Variants in KCNIP4 observed in about 807,000 individuals in gnomAD.
KCNIP4 encodes the protein Kv channel-interacting protein 4.
A neutral mutation model predicts 34.0 loss-of-function variants in KCNIP4; 12 were observed. The ratio of observed to expected loss-of-function variants is 0.35; its 90% CI spans 0.23 to 0.57. The LOEUF is 0.57. Ranked by LOEUF, KCNIP4 falls within the 20% of genes least tolerant of loss-of-function variation. The probability of loss-of-function intolerance (pLI) is 0.83; values close to 1 mark genes in which losing one functional copy is unlikely to be tolerated. For synonymous variants in KCNIP4, 124 were observed against 102.2 expected (o/e 1.21, Z -1.29); for missense variants, 238 against 311.7 (o/e 0.76, Z 1.78).
In KCNIP4 at chr4:21,291,928, AAAGAAAGAAAAAAAAAG is replaced by A. The variant is rs1560260189; in HGVS notation, c.62-409236_62-409220del. Among the ~76,000 whole-genome samples the A allele has an allele frequency of 9.9e-5, 9 of 90,674 alleles. 1 individual carries two copies. The highest frequency in any genetic ancestry group is 6.7e-4 in the African/African-American group (9 of 13,400). The allele number at this position is 90,674 out of a possible 152,430, so 59.5% of individuals were successfully genotyped here. On this transcript the variant is annotated intron_variant, in intron 1 of 8. Coordinates refer to ENST00000382152, the MANE Select transcript of KCNIP4 (RefSeq NM_025221.6). ...GAAAGAAAGAAAGAAAGAAAGAAAG[AAAGAAAGAAAAAAAAAG>A]AAAAAAGTCTGATGAATAAATCTTC...
chr4:21,829,667 A>G (rs1235426808), intron 1 of KCNIP4, among the ~76,000 whole-genome samples: 1 of 152,052 alleles, frequency 6.6e-6, no homozygotes, highest in African/African-American at 2.4e-5. Flanking sequence ...CAGTTCCACA[A>G]AGCAAAAACC....
chr4:21,295,741 C>T (rs1035048011), intron 1 of KCNIP4, among the ~76,000 whole-genome samples: 2 of 152,076 alleles, frequency 1.3e-5, no homozygotes, highest in Non-Finnish European at 2.9e-5. Flanking sequence ...TTTCTGTCCC[C>T]ATGCTATATT....
At chr4:21,849,039 T>C (rs1724206362) in intron 1 of KCNIP4, 1 of 151,996 alleles carries the variant, frequency 6.6e-6, no homozygotes, top group Admixed American at 6.6e-5. Flanking sequence ...CTTAGTTGTA[T>C]TTTTACCATT....
intron 1 of KCNIP4, among the ~76,000 whole-genome samples, chr4:21,370,836 T>C (rs369535753): frequency 1.3e-4 from 4 of 31,692 alleles, no homozygotes; most frequent in African/African-American, 1.9e-4. Flanking sequence ...TATATATATA[T>C]ATATATATAT....
intron 1 of KCNIP4, among the ~76,000 whole-genome samples, chr4:21,477,952 G>C (rs1240389613): frequency 2.0e-5 from 3 of 152,050 alleles, no homozygotes; most frequent in Non-Finnish European, 2.9e-5. Context: ...TTGAAACGTT[G>C]TTATAAAACA....
chr4:21,697,457 C>T, intron 1 of KCNIP4: 3 of 1,541,118 alleles, frequency 1.9e-6, no homozygotes, highest in Non-Finnish European at 1.7e-6. Flanking sequence ...CAAGGTATTC[C>T]TCTGAGGAGA....
intron 1 of KCNIP4, among the ~76,000 whole-genome samples, chr4:21,813,523 G>C (rs575236401): frequency 1.3e-5 from 2 of 152,200 alleles, no homozygotes; most frequent in South Asian, 4.2e-4. Flanking sequence ...GACTAACTTT[G>C]AAGTGTAACA....
At chr4:21,345,750 C>T (rs1303968571) in intron 1 of KCNIP4, among the ~76,000 whole-genome samples, 1 of 151,896 alleles carries the variant, frequency 6.6e-6, no homozygotes, top group Non-Finnish European at 1.5e-5. Context: ...AGAGAATGCA[C>T]AAATTAGAGA....
rs558408736 is a variant in KCNIP4 at position 21,256,717 on chromosome 4, G to A, written c.62-374008C>T. ...AAAGCCACTGGGAGGTTTTAGGTAG[G>A]AGAATGTGGTAATCCAACAAATGCT... is the stretch of plus-strand genomic sequence containing the variant. On this transcript the variant is annotated intron_variant, in intron 1 of 8. Transcript: ENST00000382152. Among the ~76,000 whole-genome samples, 447 of 152,300 alleles carry A rather than the reference G, an allele frequency of 2.9e-3. 5 individuals are homozygous for A. The highest frequency in any genetic ancestry group is 0.01 in the African/African-American group (416 of 41,566).
At chr4:21,575,155 T>C (rs1418179497) in intron 1 of KCNIP4, among the ~76,000 whole-genome samples, 1 of 152,174 alleles carries the variant, frequency 6.6e-6, no homozygotes, top group African/African-American at 2.4e-5. Flanking sequence ...GCCCTCAAAC[T>C]GACTTCAGGG....
intron 1 of KCNIP4, among the ~76,000 whole-genome samples, chr4:21,906,229 T>TG (rs776034077): frequency 6.6e-6 from 1 of 152,200 alleles, no homozygotes; most frequent in East Asian, 1.9e-4. Context: ...TTACCTTATT[T>TG]GGGAAGAGTC....
intron 1 of KCNIP4, among the ~76,000 whole-genome samples, chr4:21,699,821 G>T (rs1167790796): frequency 2.0e-5 from 3 of 152,094 alleles, no homozygotes; most frequent in Non-Finnish European, 4.4e-5. Flanking sequence ...TAGGGAATAG[G>T]GGACTTGTGT....
At chr4:20,769,288 GTAACT>G (rs1755670846) in intron 3 of KCNIP4, among the ~76,000 whole-genome samples, 1 of 152,092 alleles carries the variant, frequency 6.6e-6, no homozygotes, top group South Asian at 2.1e-4. Flanking sequence ...ATCTCTTCAA[GTAACT>G]TAAGTTGGTT....
At chr4:21,822,169 C>T (rs1722393861) in intron 1 of KCNIP4, among the ~76,000 whole-genome samples, 1 of 152,134 alleles carries the variant, frequency 6.6e-6, no homozygotes, top group South Asian at 2.1e-4. Context: ...TTGATATTGT[C>T]TTCACAGGAC....
chr4:20,784,602 T>G (rs1711689713), intron 3 of KCNIP4, among the ~76,000 whole-genome samples: 1 of 152,200 alleles, frequency 6.6e-6, no homozygotes, highest in Non-Finnish European at 1.5e-5. Flanking sequence ...CTTGCCTCCC[T>G]CATTTTTCCT....
chr4:21,906,713 C>T (rs1163239954), intron 1 of KCNIP4, among the ~76,000 whole-genome samples: 1 of 152,076 alleles, frequency 6.6e-6, no homozygotes, highest in Admixed American at 6.6e-5. Context: ...TATCTACTGC[C>T]CAACATAAGG....
intron 1 of KCNIP4, among the ~76,000 whole-genome samples, chr4:21,005,139 A>AAAAC (rs368221256): frequency 2.0e-5 from 3 of 152,186 alleles, no homozygotes; most frequent in Admixed American, 6.5e-5. Flanking sequence ...GTTCCTTGTA[A>AAAAC]AAACAAACAA....
rs1728727825 is a variant in KCNIP4, at chr4:21,917,859, TTCTC to T, written c.61+30708_61+30711del. 2.0e-5 allele frequency among the ~76,000 whole-genome samples: 3 copies of T among 152,192 alleles called. No individual in the cohort carries two copies. The South Asian group carries it at 6.2e-4, about 32-fold the overall frequency. On this transcript the variant is annotated intron_variant, in intron 1 of 8. Transcript: ENST00000382152. ...GCAAAAGCAAGACGTTCATGGTAGT[TTCTC>T]TCAGTAATCAACTGAAATCTCTCAT...
chr4:21,203,203 A>C (rs954352383), intron 1 of KCNIP4, among the ~76,000 whole-genome samples: 2 of 152,126 alleles, frequency 1.3e-5, no homozygotes, highest in Admixed American at 1.3e-4. Context: ...GTGGAATAGA[A>C]GGCTGTGTGT....
Sources: allele counts gnomAD v4.1 joint callset (sites outside exome capture counted in the v4.1 genomes callset), GRCh38; gene constraint gnomAD v4.1.1; transcripts MANE v1.5; gene names NCBI Gene and HGNC (gene_info 2026-07-23, HGNC 2026-07-21).